Variants in LETM2 observed in about 807,000 individuals in gnomAD.
The protein encoded by LETM2 is LETM1 domain-containing protein LETM2, mitochondrial.
Under a neutral mutation model 59.6 loss-of-function variants are expected in LETM2, and 58 were observed. The observed-to-expected ratio is 0.97, with a 90% confidence interval of 0.79 to 1.21. LETM2 has a LOEUF of 1.21. Ranked by LOEUF, LETM2 falls within the 50% of genes most tolerant of loss-of-function variation. The pLI, the probability that LETM2 is intolerant of heterozygous loss-of-function variation, is 0.00. For missense variants in LETM2, 572 were observed against 575.7 expected (o/e 0.99, Z 0.07); for synonymous variants, 199 against 214.1 (o/e 0.93, Z 0.62).
In LETM2 at chr8:38,404,409, T is replaced by A; in HGVS notation, c.1121T>A (p.Leu374Gln). ...GTTCTCCAGTGGCAGGACCTCCACC[T>A]GAAGGAGAACGTCCCTCCTTCCCTT... ...QQLTEWQDLH[L>Q]KENVPPSLLL... The change falls in exon 8 of 11, where the codon CTG becomes CAG. Residue 374 changes from leucine (L) to glutamine (Q), a missense_variant. By Grantham distance (113) the Leu-to-Gln change is moderately radical. Coordinates refer to ENST00000379957, the MANE Select transcript of LETM2 (RefSeq NM_001286819.2). The A allele has an allele frequency of 6.2e-7, 1 of 1,612,680 alleles. No individual in the cohort carries two copies.
upstream of LETM2, among the ~76,000 whole-genome samples, chr8:38,384,075 GCCA>G (rs1409201722): frequency 6.6e-6 from 1 of 151,948 alleles, no homozygotes; most frequent in Admixed American, 6.6e-5. Flanking sequence ...GCCAAAGCGG[GCCA>G]CCAAGTCTAG....
rs1284631327 is a variant in LETM2 at position 38,408,846 on chromosome 8, T to G, written c.*572T>G. On this transcript the variant is annotated 3_prime_UTR_variant, in exon 11 of 11. Coordinates refer to ENST00000379957, the MANE Select transcript of LETM2 (RefSeq NM_001286819.2). ...TGGCAATCAGAAAGATTTGGCTGCTTCCGACACCTCCATCTTGGGCCTGCA... is the reference window on the plus strand; with the variant it reads ...TGGCAATCAGAAAGATTTGGCTGCTGCCGACACCTCCATCTTGGGCCTGCA... The G allele has an allele frequency of 6.6e-6, 1 of 152,460 alleles. No individual in the cohort carries two copies. The highest frequency in any genetic ancestry group is 1.9e-4 in the East Asian group (1 of 5,200). 9.4% of individuals were successfully genotyped at this position (152,460 alleles called of 1,614,324 possible).
intron 1 of LETM2, among the ~76,000 whole-genome samples, 175 bp from the exon 2 acceptor site, chr8:38,387,775 C>T (rs1811887969): frequency 6.6e-6 from 1 of 152,124 alleles, no homozygotes; most frequent in Non-Finnish European, 1.5e-5. Context: ...AAGTACCATT[C>T]TCAAGTCCAG....
upstream of LETM2, chr8:38,383,355 G>C (rs745636636): frequency 2.0e-5 from 3 of 152,342 alleles, no homozygotes; most frequent in South Asian, 2.1e-4. Context: ...GATTTGGAAG[G>C]TTACAGCACA....
At chr8:38,403,385 G>A (rs1813413968) in intron 7 of LETM2, among the ~76,000 whole-genome samples, 1 of 152,210 alleles carries the variant, frequency 6.6e-6, no homozygotes, top group South Asian at 2.1e-4. Context: ...GTAGTGTAAC[G>A]GGTCCTGGCA....
Position 38,400,286 on chromosome 8 carries a change from A to G in LETM2, c.660A>G (p.Lys220=), listed in dbSNP as rs770774004. The change falls in exon 5 of 11, where the codon AAA becomes AAG. Residue 220 remains lysine, a synonymous_variant. Coordinates refer to ENST00000379957, the MANE Select transcript of LETM2 (RefSeq NM_001286819.2). Reference sequence around the variant, plus strand: ...CTACCATTAAGGAAGAAAAACAGAAAAAGAAAATGGCTGTAAAGTTGGAAC... The same window carrying G: ...CTACCATTAAGGAAGAAAAACAGAAGAAGAAAATGGCTGTAAAGTTGGAAC... ...ESESKKEEKQ[K]KKMAVKLELA... is the part of the protein sequence containing the mutation. 4 of 1,609,154 alleles carry G rather than the reference A, an allele frequency of 2.5e-6. No homozygotes were observed. The African/African-American group carries it at 4.0e-5, about 16-fold the overall frequency.
At chr8:38,387,913 T>C (rs1811898834) in intron 1 of LETM2, 37 bp from the exon 2 acceptor site, 1 of 820,724 alleles carries the variant, frequency 1.2e-6, no homozygotes, top group Non-Finnish European at 2.0e-6. Context: ...GATGTATTTT[T>C]AAACTACTAA....
chr8:38,394,832 G>A (rs1397675887), intron 4 of LETM2, among the ~76,000 whole-genome samples: 1 of 147,366 alleles, frequency 6.8e-6, no homozygotes, highest in African/African-American at 2.5e-5. Flanking sequence ...GGTGACAGGG[G>A]GAGACCCTGT....
intron 8 of LETM2, 41 bp downstream of exon 8, chr8:38,404,547 A>C: frequency 8.1e-7 from 1 of 1,236,710 alleles, no homozygotes; most frequent in Non-Finnish European, 1.2e-6. Flanking sequence ...CGTCCATCCA[A>C]CTGAGGCCTC....
At chr8:38,398,232 AT>A (rs911781736) in intron 4 of LETM2, among the ~76,000 whole-genome samples, 3 of 152,156 alleles carry the variant, frequency 2.0e-5, no homozygotes, top group African/African-American at 7.2e-5. Flanking sequence ...CAATGTTTTA[AT>A]TTGCTTACAT....
Position 38,408,502 on chromosome 8 carries a change from A to G in LETM2, c.*228A>G, listed in dbSNP as rs1322477371. The G allele has an allele frequency of 4.4e-6, 2 of 457,354 alleles. No individual in the cohort carries two copies. Among genetic ancestry groups the G allele is most frequent in the African/African-American group, 4.0e-5 (2 of 50,300 alleles). 28.3% of individuals were successfully genotyped at this position (457,354 alleles called of 1,614,324 possible). ...TGCAAAGTCCCATTTCCTCTGTACC[A>G]TTGTCACCCCACTCAACTTTGTATA... is the stretch of plus-strand genomic sequence containing the variant. On this transcript the variant is annotated 3_prime_UTR_variant, in exon 11 of 11. Transcript: ENST00000379957.
chr8:38,395,309 G>A (rs761754452), intron 4 of LETM2, among the ~76,000 whole-genome samples: 1 of 152,106 alleles, frequency 6.6e-6, no homozygotes, highest in Non-Finnish European at 1.5e-5. Context: ...ACTGTCTTCC[G>A]AAGTGGCTGT....
At chr8:38,407,315 C>T (rs756957415) in intron 9 of LETM2, 47 bp from the exon 10 acceptor site, 1 of 1,327,466 alleles carries the variant, frequency 7.5e-7, no homozygotes, top group South Asian at 1.2e-5. Flanking sequence ...GATTAATACA[C>T]ATTTTCTTTT....
chr8:38,404,352 G>A (rs745746792), intron 7 of LETM2, 41 bp from the exon 8 acceptor site: 1 of 1,351,980 alleles, frequency 7.4e-7, no homozygotes, highest in Non-Finnish European at 1.1e-6. Flanking sequence ...TCTGGCTCTG[G>A]TGTTCTGATT....
intron 8 of LETM2, chr8:38,404,717 C>T (rs945367046): frequency 8.5e-5 from 42 of 496,782 alleles, no homozygotes; most frequent in African/African-American, 1.6e-4. Flanking sequence ...CAGTGGCTTA[C>T]GCCTGTAATC....
At chr8:38,406,852 A>C in intron 8 of LETM2, 94 bp from the exon 9 acceptor site, 1 of 754,618 alleles carries the variant, frequency 1.3e-6, no homozygotes, top group Admixed American at 2.2e-5. Context: ...AGTGGAAAGC[A>C]AATAGTGCTA....
At chr8:38,391,294 AT>A (rs959588151) in intron 2 of LETM2, among the ~76,000 whole-genome samples, 1 of 104,492 alleles carries the variant, frequency 9.6e-6, no homozygotes, top group Non-Finnish European at 2.0e-5. Context: ...ATTTTATTTT[AT>A]TTTAGTTTTT....
At chr8:38,390,652 G>C (rs1265784041) in intron 2 of LETM2, among the ~76,000 whole-genome samples, 1 of 142,124 alleles carries the variant, frequency 7.0e-6, no homozygotes, top group Non-Finnish European at 1.5e-5. Flanking sequence ...AAAGAACCAA[G>C]ACAAATTTTT....
At chr8:38,383,863 G>A (rs940017779), upstream of LETM2, among the ~76,000 whole-genome samples, 1 of 151,204 alleles carries the variant, frequency 6.6e-6, no homozygotes, top group Admixed American at 6.6e-5. Context: ...CCGGGAAGCG[G>A]AGCTTGCAGT....
Sources: allele counts gnomAD v4.1 joint callset (sites outside exome capture counted in the v4.1 genomes callset), GRCh38; gene constraint gnomAD v4.1.1; transcripts MANE v1.5; gene names NCBI Gene and HGNC (gene_info 2026-07-23, HGNC 2026-07-21).